The following KDM8 variants were observed in gnomAD, a reference collection of about 807,000 sequenced individuals.
The protein encoded by KDM8 is bifunctional peptidase and arginyl-hydroxylase JMJD5.
A neutral mutation model predicts 46.9 loss-of-function variants in KDM8; 35 were observed. The observed-to-expected ratio is 0.75, with a 90% CI of 0.57 to 0.99. The LOEUF (loss-of-function observed/expected upper bound fraction) is 0.99, where lower values mean the gene tolerates loss of function less well. Ranked by LOEUF, KDM8 falls within the 50% of genes least tolerant of loss-of-function variation. KDM8 has a pLI of 0.00. For missense variants in KDM8, 475 were observed against 537.0 expected (o/e 0.88, Z 1.14); for synonymous variants, 232 against 227.7 (o/e 1.02, Z -0.17).
intron 1 of KDM8, chr16:27,204,229 T>C: frequency 7.0e-7 from 1 of 1,433,152 alleles, no homozygotes. Context: ...GAAAGGTGCT[T>C]GTAGCTCGGT....
intron 6 of KDM8, 119 bp downstream of exon 6, chr16:27,219,229 G>T: frequency 4.5e-6 from 5 of 1,116,860 alleles, no homozygotes; most frequent in Admixed American, 2.9e-5. Context: ...CACTGAAGGG[G>T]ATGAGGACAA....
At chr16:27,213,807 G>A in intron 3 of KDM8, 56 bp downstream of exon 3, 2 of 1,571,330 alleles carry the variant, frequency 1.3e-6, no homozygotes, top group Admixed American at 3.6e-5. Context: ...GTTCCCCAGG[G>A]CTCCCTGAAT....
intron 1 of KDM8, among the ~76,000 whole-genome samples, chr16:27,209,851 A>G (rs1044632240): frequency 6.6e-6 from 1 of 152,176 alleles, no homozygotes; most frequent in Non-Finnish European, 1.5e-5. Flanking sequence ...AGATGAGGAC[A>G]ATACACGTTC....
At chr16:27,204,801 G>T (rs1435320772) in intron 1 of KDM8, among the ~76,000 whole-genome samples, 1 of 152,164 alleles carries the variant, frequency 6.6e-6, no homozygotes, top group East Asian at 1.9e-4. Context: ...GAGACAGGCC[G>T]ATCACTTCAG....
intron 5 of KDM8, among the ~76,000 whole-genome samples, 184 bp from the exon 6 acceptor site, chr16:27,218,777 G>A (rs1567266589): frequency 6.6e-6 from 1 of 152,136 alleles, no homozygotes; most frequent in Admixed American, 6.5e-5. Flanking sequence ...AGCCCAGGAG[G>A]CAGAGGCTGC....
chr16:27,204,244 C>G, intron 1 of KDM8: 1 of 1,415,590 alleles, frequency 7.1e-7, no homozygotes, highest in Non-Finnish European at 9.2e-7. Flanking sequence ...CTCGGTAGGA[C>G]TTAACGATGG....
chr16:27,213,583 A>G lies in KDM8; in HGVS notation c.499-2A>G. 1 of 1,613,668 alleles carries G rather than the reference A, an allele frequency of 6.2e-7. No individual in the cohort carries two copies. Among genetic ancestry groups the G allele is most frequent in the Non-Finnish European group, 8.5e-7 (1 of 1,179,794 alleles). ...ATTTTGTTCTGTTTTGATTTTAAAC[A>G]GAAAGCAAGGGCGGACCATGGTTTG... On this transcript the variant is annotated splice_acceptor_variant, in intron 2 of 7. Transcript: ENST00000286096. LOFTEE classifies it high-confidence loss of function.
chr16:27,212,904 C>T (rs970820466), intron 2 of KDM8, among the ~76,000 whole-genome samples: 7 of 152,170 alleles, frequency 4.6e-5, no homozygotes, highest in Admixed American at 1.3e-4. Context: ...TGCCCAGGCT[C>T]GTTTCAAACT....
At chr16:27,207,281 G>C (rs112644548) in intron 1 of KDM8, among the ~76,000 whole-genome samples, 2,732 of 152,228 alleles carry the variant, frequency 0.018, 83 homozygotes, top group African/African-American at 0.062. Flanking sequence ...GATGGCATGC[G>C]TGCCTGTGGT....
chr16:27,213,426 A>T (rs916253963), intron 2 of KDM8, 159 bp from the exon 3 acceptor site: 8 of 668,978 alleles, frequency 1.2e-5, no homozygotes, highest in African/African-American at 1.8e-5. Flanking sequence ...AGGAGCAAAT[A>T]GTAATAGTAG....
At chr16:27,207,129 C>T (rs559237336) in intron 1 of KDM8, among the ~76,000 whole-genome samples, 2 of 152,316 alleles carry the variant, frequency 1.3e-5, no homozygotes, top group Admixed American at 6.5e-5. Flanking sequence ...TTACAAGGGC[C>T]GGGCGTGGTG....
In KDM8 at chr16:27,213,685, T is replaced by C. The variant is rs761870490; in HGVS notation, c.599T>C (p.Leu200Ser). The C allele has an allele frequency of 6.2e-7, 1 of 1,614,230 alleles. No individual in the cohort carries two copies. The highest frequency in any genetic ancestry group is 8.5e-7 in the Non-Finnish European group (1 of 1,180,036). ...CTCCAGCATTTCAGGGAGCAGTTTT[T>C]GGTTCCAGGGAGGCCCGTGATCCTG... ...PSLQHFREQFLVPGRPVILKG... is the reference protein window; with the variant it reads ...PSLQHFREQFSVPGRPVILKG... Residue 200 changes from leucine to serine, a missense_variant, in exon 3 of 8, where the codon TTG becomes TCG. Leu to Ser is a moderately radical substitution (Grantham distance 145). Transcript: ENST00000286096.
At chr16:27,213,963 C>T in intron 3 of KDM8, 1 of 534,732 alleles carries the variant, frequency 1.9e-6, no homozygotes, top group Non-Finnish European at 3.2e-6. Flanking sequence ...TTCTACCTTG[C>T]TCGCCTTAAG....
At chr16:27,204,448 T>C in intron 1 of KDM8, 1 of 954,452 alleles carries the variant, frequency 1.0e-6, no homozygotes, top group Non-Finnish European at 1.4e-6. Flanking sequence ...CAAACTTTCC[T>C]GGGAAGTTTT....
intron 6 of KDM8, 60 bp downstream of exon 6, chr16:27,219,170 G>T (rs1458345443): frequency 2.0e-6 from 3 of 1,496,922 alleles, no homozygotes; most frequent in Non-Finnish European, 2.7e-6. Flanking sequence ...CACCTGGCCG[G>T]CCACATTCTC....
At chr16:27,218,389 C>T (rs1033648904) in intron 5 of KDM8, among the ~76,000 whole-genome samples, 4 of 152,176 alleles carry the variant, frequency 2.6e-5, no homozygotes, top group Admixed American at 2.6e-4. Context: ...CTGTCAGAGG[C>T]CATGGGGAGC....
chr16:27,207,106 T>C (rs1019415928), intron 1 of KDM8, among the ~76,000 whole-genome samples: 5 of 152,112 alleles, frequency 3.3e-5, no homozygotes, highest in Non-Finnish European at 5.9e-5. Flanking sequence ...GGAAGGCCAG[T>C]TTTTAAAACA....
At chr16:27,220,228 TAAAAAAG>T in intron 6 of KDM8, 158 bp from the exon 7 acceptor site, 1 of 680,828 alleles carries the variant, frequency 1.5e-6, no homozygotes, top group South Asian at 1.7e-5. Context: ...CTCTAAAAAA[TAAAAAAG>T]AAAGAAAAAC....
Position 27,216,008 on chromosome 16 carries a change from A to T in KDM8, c.843+19A>T, listed in dbSNP as rs756494949. On this transcript the variant is annotated intron_variant, in intron 5 of 7. Coordinates refer to ENST00000286096, the MANE Select transcript of KDM8 (RefSeq NM_024773.3). ...TGACCAGGTAAGTCTGAGGCCACGC[A>T]CCTCTGCCCCTCACCGTCTCACCTT... is the stretch of plus-strand genomic sequence containing the variant. The T allele has an allele frequency of 2.5e-6, 4 of 1,613,698 alleles. No homozygotes were observed. In the Admixed American group the frequency reaches 6.7e-5, roughly 27 times the overall value.
Sources: gnomAD v4.1 joint callset for allele counts (sites outside exome capture counted in the v4.1 genomes callset) on GRCh38, gnomAD v4.1.1 for gene constraint, MANE v1.5 for transcripts, NCBI Gene and HGNC (gene_info 2026-07-23, HGNC 2026-07-21) for gene names.